IL1RAPL1: variants seen among roughly 807,000 people sequenced by gnomAD.
The protein encoded by IL1RAPL1 is interleukin-1 receptor accessory protein-like 1.
Under a neutral mutation model 48.4 loss-of-function variants are expected in IL1RAPL1, and 3 were observed. That is an observed-to-expected ratio of 0.06 (90% CI 0.03 to 0.16). The LOEUF (loss-of-function observed/expected upper bound fraction) is 0.16, where lower values mean the gene tolerates loss of function less well. Ranked by LOEUF, IL1RAPL1 falls within the 10% of genes least tolerant of loss-of-function variation. The probability of loss-of-function intolerance (pLI) is 1.00; values close to 1 mark genes in which losing one functional copy is unlikely to be tolerated. For synonymous variants in IL1RAPL1, 185 were observed against 187.7 expected (o/e 0.99, Z 0.12); for missense variants, 349 against 530.6 (o/e 0.66, Z 3.36).
intron 2 of IL1RAPL1, among the ~76,000 whole-genome samples, chrX:29,097,328 G>A (rs762132762): frequency 1.8e-5 from 2 of 111,557 alleles, no homozygotes; most frequent in East Asian, 2.8e-4. Flanking sequence ...TTAATTATAC[G>A]CTGATAGAGA....
At chrX:29,453,165 ATCC>A in intron 5 of IL1RAPL1, among the ~76,000 whole-genome samples, 1 of 109,304 alleles carries the variant, frequency 9.1e-6, no homozygotes, top group South Asian at 4.0e-4. Flanking sequence ...ACCTCAAGTG[ATCC>A]GCCACCTCGG....
intron 2 of IL1RAPL1, among the ~76,000 whole-genome samples, chrX:28,805,951 G>T: frequency 9.2e-6 from 1 of 109,190 alleles, no homozygotes; most frequent in Non-Finnish European, 1.9e-5. Context: ...TTCATTTCTG[G>T]ATTTAAGAAC....
chrX:29,490,255 G>A (rs561415426), intron 5 of IL1RAPL1, among the ~76,000 whole-genome samples: 3 of 111,534 alleles, frequency 2.7e-5, no homozygotes, highest in South Asian at 3.8e-4. Context: ...GACTGGGCAC[G>A]GGGCAGTGGC....
At chrX:29,552,513 A>G (rs990787867) in intron 5 of IL1RAPL1, among the ~76,000 whole-genome samples, 2 of 111,694 alleles carry the variant, frequency 1.8e-5, no homozygotes, top group Non-Finnish European at 3.8e-5. Flanking sequence ...ACTCTAGTTA[A>G]ATATAAATAC....
chrX:28,990,399 C>T (rs773331654), intron 2 of IL1RAPL1, among the ~76,000 whole-genome samples: 4 of 111,930 alleles, frequency 3.6e-5, no homozygotes, highest in South Asian at 7.5e-4. Flanking sequence ...TTTCGTTGAT[C>T]TGGATAGGAG....
At chrX:29,552,802 C>T (rs1412135769) in intron 5 of IL1RAPL1, among the ~76,000 whole-genome samples, 35 of 23,012 alleles carry the variant, frequency 1.5e-3, no homozygotes, top group African/African-American at 5.7e-3. Context: ...TTTCACTCTC[C>T]TTTTTTTTTT....
intron 3 of IL1RAPL1, among the ~76,000 whole-genome samples, chrX:29,379,392 A>T (rs1933665519): frequency 8.9e-6 from 1 of 111,899 alleles, no homozygotes; most frequent in African/African-American, 3.3e-5. Flanking sequence ...GGGCCTAGAG[A>T]TTCTCAGAGG....
At chrX:28,819,817 T>C (rs1477125554) in intron 2 of IL1RAPL1, among the ~76,000 whole-genome samples, 5 of 106,407 alleles carry the variant, frequency 4.7e-5, no homozygotes. Context: ...TATGTATATG[T>C]AACATTAAGA....
chrX:29,631,143 G>A (rs1924763172), intron 5 of IL1RAPL1, among the ~76,000 whole-genome samples: 1 of 111,823 alleles, frequency 8.9e-6, no homozygotes, highest in Non-Finnish European at 1.9e-5. Context: ...TAATTGCCTT[G>A]GGACTAATGT....
intron 6 of IL1RAPL1, among the ~76,000 whole-genome samples, chrX:29,811,431 C>G (rs758625588): frequency 9.3e-6 from 1 of 107,148 alleles, no homozygotes; most frequent in Admixed American, 1.0e-4. Context: ...GTCAGTCTAG[C>G]CTTTTCACGT....
At chrX:29,150,485 TGG>T (rs1180468901) in intron 2 of IL1RAPL1, among the ~76,000 whole-genome samples, 1 of 111,535 alleles carries the variant, frequency 9.0e-6, no homozygotes, top group African/African-American at 3.3e-5. Context: ...AAGGCCAAGA[TGG>T]GGACAAGGGG....
intron 6 of IL1RAPL1, among the ~76,000 whole-genome samples, chrX:29,838,449 T>C (rs192828891): frequency 3.6e-5 from 4 of 112,054 alleles, no homozygotes; most frequent in Non-Finnish European, 7.5e-5. Flanking sequence ...TATTTATGTG[T>C]GTAAATTTGG....
intron 2 of IL1RAPL1, among the ~76,000 whole-genome samples, chrX:29,242,477 A>C (rs1012537268): frequency 8.0e-5 from 9 of 112,266 alleles, no homozygotes; most frequent in African/African-American, 2.6e-4. Flanking sequence ...TTATGATTAC[A>C]GTCATATGAG....
At chrX:28,691,665 C>T (rs762099640) in intron 1 of IL1RAPL1, among the ~76,000 whole-genome samples, 5 of 111,300 alleles carry the variant, frequency 4.5e-5, no homozygotes, top group African/African-American at 1.3e-4. Context: ...CTTCTTCTTC[C>T]CTCCCTTCTT....
At chrX:28,752,924 G>T (rs1432422313) in intron 1 of IL1RAPL1, among the ~76,000 whole-genome samples, 1 of 112,218 alleles carries the variant, frequency 8.9e-6, no homozygotes. Context: ...TGCAGAAAGA[G>T]GTTTACTTAT....
chrX:29,955,019 A>C, intron 10 of IL1RAPL1, 83 bp from the exon 11 acceptor site: 4 of 798,420 alleles, frequency 5.0e-6, no homozygotes, highest in Non-Finnish European at 5.8e-6. Context: ...AGTTTCATTT[A>C]ATTTCTGAAA....
chrX:29,317,958 G>A (rs538369732), intron 3 of IL1RAPL1, among the ~76,000 whole-genome samples: 1 of 111,909 alleles, frequency 8.9e-6, no homozygotes, highest in African/African-American at 3.2e-5. Context: ...TGGGAAGTAA[G>A]CAATATTATC....
chrX:29,494,343 G>A (rs1301261136), intron 5 of IL1RAPL1, among the ~76,000 whole-genome samples: 1 of 112,008 alleles, frequency 8.9e-6, no homozygotes, highest in African/African-American at 3.3e-5. Flanking sequence ...TGATGTATGT[G>A]TACCACATTT....
At chrX:28,779,632 GTGTATATATATATATA>G (rs1224139678) in intron 1 of IL1RAPL1, among the ~76,000 whole-genome samples, 2 of 54,680 alleles carry the variant, frequency 3.7e-5, no homozygotes, top group African/African-American at 9.3e-5. Flanking sequence ...GTGTGTGTGT[GTGTATATATATATATA>G]TATATATATA....
Sources: gnomAD v4.1 joint callset for allele counts (sites outside exome capture counted in the v4.1 genomes callset) on GRCh38, gnomAD v4.1.1 for gene constraint, MANE v1.5 for transcripts, NCBI Gene and HGNC (gene_info 2026-07-23, HGNC 2026-07-21) for gene names.